Variants in ASPM observed in about 807,000 individuals in gnomAD.
The protein encoded by ASPM is abnormal spindle-like microcephaly-associated protein.
In ASPM, 256 loss-of-function variants were observed where a neutral mutation model predicts 366.4. That is an observed-to-expected ratio of 0.70 (90% CI 0.63 to 0.77). The LOEUF (loss-of-function observed/expected upper bound fraction) is 0.77. ASPM is among the 30% of genes least tolerant of loss of function. The probability of loss-of-function intolerance (pLI) is 0.00; values close to 1 mark genes in which losing one functional copy is unlikely to be tolerated. For synonymous variants in ASPM, 1,414 were observed against 1,342.9 expected, an observed-to-expected ratio of 1.05 and a Z score of -1.16; for missense variants, 4,146 against 4,090.4, an observed-to-expected ratio of 1.01 and a Z score of -0.37.
intron 27 of ASPM, 28 bp from the exon 28 acceptor site, chr1:197,084,454 A>T (rs754872469): frequency 6.9e-7 from 1 of 1,457,336 alleles, no homozygotes; most frequent in Non-Finnish European, 9.6e-7. Context: ...AAAGTCTGGC[A>T]TTAATAAAGT....
At chr1:197,091,668 G>T (rs1184867832) in intron 22 of ASPM, among the ~76,000 whole-genome samples, 1 of 151,944 alleles carries the variant, frequency 6.6e-6, no homozygotes, top group Non-Finnish European at 1.5e-5. Context: ...GTACCCTCAA[G>T]ACTTTGCTGG....
At chr1:197,087,083 T>TC (rs1330228813) in intron 26 of ASPM, 111 bp from the exon 27 acceptor site, 1 of 1,044,108 alleles carries the variant, frequency 9.6e-7, no homozygotes, top group Non-Finnish European at 1.4e-6. Flanking sequence ...CTTTTTTTTT[T>TC]CTTTTTTGAG....
Position 197,129,201 on chromosome 1 carries a change from C to A in ASPM, c.2746G>T (p.Asp916Tyr), listed in dbSNP as rs747141877. Residue 916 changes from aspartate to tyrosine, a missense_variant, in exon 9 of 28, where the codon GAT becomes TAT. Physicochemically the swap from Asp to Tyr is radical, Grantham distance 160. Transcript: ENST00000367409. ...GAAAAGCATACCTTGAATTCGGCAT[C>A]TTTACAGAAGAGACAAGGATCATGA... ...IDHDPCLFCK[D>Y]AEFKASKEIL... The A allele has an allele frequency of 5.6e-6, 9 of 1,612,254 alleles. No individual in the cohort carries two copies. The African/African-American group carries it at 1.2e-4, about 22-fold the overall frequency.
rs1475103146 is a variant in ASPM, at chr1:197,100,869, A to G, written c.8382T>C (p.Ile2794=). 2.5e-6 allele frequency: 4 copies of G among 1,612,696 alleles called. No homozygotes were observed. In the South Asian group the frequency reaches 3.3e-5, roughly 13 times the overall value. ...GGCCAGAAGCTTTATACCACTCTTGAATCATAACACCTTCACTTTGAACAG... is the reference window on the plus strand; with the variant it reads ...GGCCAGAAGCTTTATACCACTCTTGGATCATAACACCTTCACTTTGAACAG... ...YEAVQSEGVM[I]QEWYKASGLA... The change falls in exon 18 of 28, where the codon ATT becomes ATC. Residue 2794 remains isoleucine, a synonymous_variant. Transcript: ENST00000367409.
Position 197,143,756 on chromosome 1 carries a change from T to A in ASPM, c.496A>T (p.Asn166Tyr). The A allele has an allele frequency of 6.2e-7, 1 of 1,613,336 alleles. No homozygotes were observed. The part of the protein sequence containing the change: ...KKKISASTSH[N>Y]RRVSNIQNVN... ...TTCTGAATATTTGAAACCCTTCTGTTGTGACTTGTAGAGGCTGAAATTTTC... is the reference window on the plus strand; with the variant it reads ...TTCTGAATATTTGAAACCCTTCTGTAGTGACTTGTAGAGGCTGAAATTTTC... The change falls in exon 3 of 28, where the codon AAC becomes TAC. Residue 166 changes from asparagine (N) to tyrosine (Y), a missense_variant. By Grantham distance (143) the Asn-to-Tyr change is moderately radical. Coordinates refer to ENST00000367409, the MANE Select transcript of ASPM (RefSeq NM_018136.5).
In ASPM at chr1:197,101,250, T is replaced by C. The variant is rs997993897; in HGVS notation, c.8001A>G (p.Gln2667=). 1.2e-6 allele frequency: 2 copies of C among 1,611,858 alleles called. No individual in the cohort carries two copies. Among genetic ancestry groups the C allele is most frequent in the African/African-American group, 2.7e-5 (2 of 74,792 alleles). ...RYRKLTAVRT[Q]AVICIQSYYR... ...AATAAGACTGTATACAAATAACTGC[T>C]TGGGTACGCACTGCAGTTAGTTTTC... Residue 2667 remains glutamine (Q), a synonymous_variant, in exon 18 of 28, where the codon CAA becomes CAG. Coordinates refer to ENST00000367409, the MANE Select transcript of ASPM (RefSeq NM_018136.5).
rs1657248969 is a variant in ASPM, at chr1:197,102,973, A to G, written c.6278T>C (p.Leu2093Ser). 6.2e-7 allele frequency: 1 copy of G among 1,612,370 alleles called. No homozygotes were observed. Among genetic ancestry groups the G allele is most frequent in the Non-Finnish European group, 8.5e-7 (1 of 1,179,112 alleles). Residue 2093 changes from leucine (L) to serine (S), a missense_variant, in exon 18 of 28, where the codon TTG becomes TCG. Physicochemically the swap from Leu to Ser is moderately radical, Grantham distance 145. Transcript: ENST00000367409. ...TNHQHKEYLN[L>S]KKTAIKIQSV... Reference sequence around the variant, plus strand: ...TTGGATTTTAATTGCTGTCTTCTTCAAATTAAGATACTCCTTATGCTGATG... The same window carrying G: ...TTGGATTTTAATTGCTGTCTTCTTCGAATTAAGATACTCCTTATGCTGATG...
At position 197,087,077 on chromosome 1, in the gene ASPM, T is replaced by C. The variant is rs546054669; in HGVS notation, c.10162-105A>G. The C allele has an allele frequency of 5.6e-5, 61 of 1,085,160 alleles. No homozygotes were observed. The East Asian group carries it at 1.5e-3, about 27-fold the overall frequency. 67.2% of individuals were successfully genotyped at this position (1,085,160 alleles called of 1,614,324 possible). Reference sequence around the variant, plus strand: ...AATAAAAACTATGCAGTAAACCTTTTTTTTTTCTTTTTTGAGATGGTCTCT... The same window carrying C: ...AATAAAAACTATGCAGTAAACCTTTCTTTTTTCTTTTTTGAGATGGTCTCT... On this transcript the variant is annotated intron_variant, in intron 26 of 27. Coordinates refer to ENST00000367409, the MANE Select transcript of ASPM (RefSeq NM_018136.5).
At chr1:197,131,367 T>C (rs1658248416) in intron 7 of ASPM, among the ~76,000 whole-genome samples, 1 of 152,206 alleles carries the variant, frequency 6.6e-6, no homozygotes, top group Non-Finnish European at 1.5e-5. Flanking sequence ...AAGATACTTT[T>C]AATAAAAATG....
In ASPM at chr1:197,101,292, A is replaced by G. The variant is rs1571597891; in HGVS notation, c.7959T>C (p.Ser2653=). The change falls in exon 18 of 28, where the codon TCT becomes TCC. Residue 2653 remains serine (S), a synonymous_variant. Coordinates refer to ENST00000367409, the MANE Select transcript of ASPM (RefSeq NM_018136.5). ...HYLHLRATVV[S]IQRRYRKLTA... ...TTAGTTTTCTGTATCTTCTTTGAATAGAAACTACTGTTGCTCTAAGGTGGA... is the reference window on the plus strand; with the variant it reads ...TTAGTTTTCTGTATCTTCTTTGAATGGAAACTACTGTTGCTCTAAGGTGGA... 1.2e-6 allele frequency: 2 copies of G among 1,612,036 alleles called. No individual in the cohort carries two copies. The highest frequency in any genetic ancestry group is 1.3e-5 in the African/African-American group (1 of 74,912).
intron 18 of ASPM, among the ~76,000 whole-genome samples, chr1:197,098,749 C>A (rs145015489): frequency 2.0e-5 from 3 of 151,672 alleles, no homozygotes; most frequent in African/African-American, 7.2e-5. Context: ...AAGTCCCAGG[C>A]CCTCTTTGTT....
intron 10 of ASPM, among the ~76,000 whole-genome samples, chr1:197,128,280 C>G (rs1375221708): frequency 6.8e-6 from 1 of 147,234 alleles, no homozygotes; most frequent in East Asian, 2.0e-4. Flanking sequence ...CACATGCCAT[C>G]AGGAAAAAAG....
chr1:197,138,452 C>T (rs1312023657), intron 4 of ASPM, among the ~76,000 whole-genome samples: 1 of 152,160 alleles, frequency 6.6e-6, no homozygotes, highest in Admixed American at 6.5e-5. Context: ...TACCGGCCAC[C>T]AAGCCCAGCC....
chr1:197,085,042 G>C (rs932962287), intron 27 of ASPM, among the ~76,000 whole-genome samples: 6 of 152,078 alleles, frequency 3.9e-5, no homozygotes, highest in African/African-American at 1.4e-4. Flanking sequence ...CCAGAATGCT[G>C]TCCTTACTTT....
chr1:197,132,860 T>G lies in ASPM; in HGVS notation c.2419+490A>C, dbSNP rs1016142108. Among the ~76,000 whole-genome samples, 65 of 152,036 alleles carry G rather than the reference T, an allele frequency of 4.3e-4. 1 individual carries two copies. The highest frequency in any genetic ancestry group is 6.8e-3 in the Middle Eastern group (2 of 292). ...TCAATCTGGAGGATATTATGCAAAC[T>G]GAAATAGCCTAAGCATAGAAAAACA... is the stretch of plus-strand genomic sequence containing the variant. On this transcript the variant is annotated intron_variant, in intron 6 of 27. Coordinates refer to ENST00000367409, the MANE Select transcript of ASPM (RefSeq NM_018136.5).
At chr1:197,085,814 CAGT>C in intron 27 of ASPM, among the ~76,000 whole-genome samples, 1 of 152,196 alleles carries the variant, frequency 6.6e-6, no homozygotes, top group South Asian at 2.1e-4. Flanking sequence ...TTTTGTATCT[CAGT>C]GGTGGTAGTT....
Position 197,138,512 on chromosome 1 carries a change from G to C in ASPM, c.2026+1255C>G, listed in dbSNP as rs145672162. Among the ~76,000 whole-genome samples, 631 of 152,256 alleles carry C rather than the reference G, an allele frequency of 4.1e-3. 3 individuals carry two copies. The highest frequency in any genetic ancestry group is 0.014 in the African/African-American group (589 of 41,556). ...AGGGCCTCATCATCCTGGTCAGGCT[G>C]GTCTTGAACTCCTGACCTCAGATGG... On this transcript the variant is annotated intron_variant, in intron 4 of 27. Transcript: ENST00000367409.
chr1:197,143,683 C>A lies in ASPM; in HGVS notation c.569G>T (p.Ser190Ile), dbSNP rs1658676481. Residue 190 changes from serine to isoleucine, a missense_variant, in exon 3 of 28, where the codon AGC (serine) becomes ATC (isoleucine). Physicochemically the swap from Ser to Ile is moderately radical, Grantham distance 142 (BLOSUM62 -2). Transcript: ENST00000367409. ...CAAGTTTTCACAAGCTTGTAGTGGG[C>A]TCCTAACTCTGTCAACTTTTTGGGA... ...SVSQKVDRVRSPLQACENLAM... is the reference protein window; with the variant it reads ...SVSQKVDRVRIPLQACENLAM... 1.2e-6 allele frequency: 2 copies of A among 1,613,708 alleles called. No homozygotes were observed. The highest frequency in any genetic ancestry group is 3.3e-5 in the Admixed American group (2 of 60,000).
At position 197,084,237 on chromosome 1, in the gene ASPM, G is replaced by T; in HGVS notation, c.*87C>A. On this transcript the variant is annotated 3_prime_UTR_variant, in exon 28 of 28. Transcript: ENST00000367409. Reference sequence around the variant, plus strand: ...AAAACAAAGTCAGATTTTAAAAGTTGTACACGGAGAGCAAAAATCACTTTA... The same window carrying T: ...AAAACAAAGTCAGATTTTAAAAGTTTTACACGGAGAGCAAAAATCACTTTA... The T allele has an allele frequency of 1.1e-6, 1 of 951,158 alleles. No individual in the cohort carries two copies. Among genetic ancestry groups the T allele is most frequent in the Non-Finnish European group, 1.7e-6 (1 of 595,440 alleles). The allele number at this position is 951,158 out of a possible 1,614,324, so 58.9% of individuals were successfully genotyped here. A position where few individuals can be genotyped will look rare whatever the true frequency, so the allele number is the denominator to read the frequency against.
Sources: gnomAD v4.1 joint callset for allele counts (sites outside exome capture counted in the v4.1 genomes callset) on GRCh38, gnomAD v4.1.1 for gene constraint, MANE v1.5 for transcripts, NCBI Gene and HGNC (gene_info 2026-07-23, HGNC 2026-07-21) for gene names.